Variants in SLF1 observed in about 807,000 individuals in gnomAD.
SLF1 encodes SMC5/6 complex localization factor 1, also known as SMC5-SMC6 complex localization factor protein 1.
In SLF1, 105 loss-of-function variants were observed where a neutral mutation model predicts 123.0. The ratio of observed to expected loss-of-function variants is 0.85; its 90% CI spans 0.73 to 1.00. The LOEUF (loss-of-function observed/expected upper bound fraction) is 1.00. Among genes scored for constraint, SLF1 ranks in the 50% least tolerant of loss-of-function variants. SLF1 has a pLI of 0.00. For synonymous variants in SLF1, 434 were observed against 406.6 expected (o/e 1.07, Z -0.81); for missense variants, 1,239 against 1,223.0 (o/e 1.01, Z -0.20).
chr5:94,696,374 A>G lies in SLF1; in HGVS notation c.*1062A>G, dbSNP rs1404703185. On this transcript the variant is annotated 3_prime_UTR_variant, in exon 21 of 21. Transcript: ENST00000265140. ...ATATTTTAACAAGATACAAATGCTCAGTATCATATTACTGGGTTTGTAATC... is the reference window on the plus strand; with the variant it reads ...ATATTTTAACAAGATACAAATGCTCGGTATCATATTACTGGGTTTGTAATC... The G allele has an allele frequency of 1.3e-5, 2 of 151,834 alleles. No homozygotes were observed. The highest frequency in any genetic ancestry group is 2.9e-5 in the Non-Finnish European group (2 of 67,848). 9.4% of individuals were successfully genotyped at this position (151,834 alleles called of 1,614,324 possible). A position where few individuals can be genotyped will look rare whatever the true frequency, so the allele number is the denominator to read the frequency against.
intron 4 of SLF1, 72 bp from the exon 5 acceptor site, chr5:94,643,201 A>T: frequency 8.2e-7 from 1 of 1,224,396 alleles, no homozygotes; most frequent in Non-Finnish European, 1.1e-6. Flanking sequence ...CTAAGAAATA[A>T]TTAATTTAGA....
chr5:94,628,555 AT>A (rs1744854500), intron 1 of SLF1, among the ~76,000 whole-genome samples: 1 of 152,260 alleles, frequency 6.6e-6, no homozygotes, highest in African/African-American at 2.4e-5. Context: ...CAAGTAATGT[AT>A]TAATCCAGAC....
At chr5:94,620,273 A>G (rs1791627711) in intron 1 of SLF1, 1 of 152,238 alleles carries the variant, frequency 6.6e-6, no homozygotes, top group African/African-American at 2.4e-5. Flanking sequence ...AGTACTGCAA[A>G]TAAACCCCTA....
intron 8 of SLF1, 149 bp downstream of exon 8, chr5:94,653,570 T>C (rs952300403): frequency 6.0e-6 from 4 of 662,056 alleles, no homozygotes; most frequent in Non-Finnish European, 4.7e-6. Flanking sequence ...TTAACTTTGG[T>C]TCACAGTAAA....
chr5:94,634,141 A>G (rs1408694657), intron 4 of SLF1, among the ~76,000 whole-genome samples: 1 of 152,244 alleles, frequency 6.6e-6, no homozygotes, highest in African/African-American at 2.4e-5. Flanking sequence ...ACTGTAATTC[A>G]GATTAGTCAT....
chr5:94,696,363 T>C lies in SLF1; in HGVS notation c.*1051T>C, dbSNP rs529284570. The C allele has an allele frequency of 9.9e-5, 15 of 151,776 alleles. No individual in the cohort carries two copies. Among genetic ancestry groups the C allele is most frequent in the African/African-American group, 3.6e-4 (15 of 41,354 alleles). The allele number at this position is 151,776 out of a possible 1,614,324, so 9.4% of individuals were successfully genotyped here. ...TTTGGAAATAGATATTTTAACAAGATACAAATGCTCAGTATCATATTACTG... is the reference window on the plus strand; with the variant it reads ...TTTGGAAATAGATATTTTAACAAGACACAAATGCTCAGTATCATATTACTG... On this transcript the variant is annotated 3_prime_UTR_variant, in exon 21 of 21. Transcript: ENST00000265140.
At chr5:94,671,404 G>A (rs932054376) in intron 14 of SLF1, among the ~76,000 whole-genome samples, 13 of 151,032 alleles carry the variant, frequency 8.6e-5, no homozygotes, top group African/African-American at 3.1e-4. Flanking sequence ...TACCTCTTTT[G>A]ATGTTGAGTT....
intron 11 of SLF1, 99 bp downstream of exon 11, chr5:94,664,007 T>G: frequency 1.6e-6 from 2 of 1,246,392 alleles, no homozygotes; most frequent in Non-Finnish European, 2.1e-6. Flanking sequence ...TTTTCCCTGT[T>G]CAGTGTTTTT....
intron 4 of SLF1, among the ~76,000 whole-genome samples, chr5:94,639,700 TATA>T (rs1246092227): frequency 6.6e-6 from 1 of 152,238 alleles, no homozygotes; most frequent in Non-Finnish European, 1.5e-5. Flanking sequence ...TAAATTTTGT[TATA>T]AGAAAATCAT....
intron 5 of SLF1, among the ~76,000 whole-genome samples, chr5:94,645,614 A>G (rs1746939039): frequency 6.6e-6 from 1 of 152,246 alleles, no homozygotes. Context: ...AACATATACC[A>G]TGCATTATCT....
intron 9 of SLF1, among the ~76,000 whole-genome samples, chr5:94,656,607 T>C (rs1267992136): frequency 4.6e-5 from 7 of 151,944 alleles, no homozygotes. Context: ...AGCAATAAAG[T>C]CTTTTGGTCC....
At chr5:94,632,632 C>T (rs780747462) in intron 4 of SLF1, among the ~76,000 whole-genome samples, 1 of 152,018 alleles carries the variant, frequency 6.6e-6, no homozygotes, top group Non-Finnish European at 1.5e-5. Context: ...AACTTTTTAT[C>T]TGCATCTTTT....
intron 5 of SLF1, among the ~76,000 whole-genome samples, chr5:94,647,938 A>C (rs150906088): frequency 1.6e-3 from 238 of 152,352 alleles, no homozygotes; most frequent in African/African-American, 5.4e-3. Flanking sequence ...AAATGGACAC[A>C]TAAGTAAATA....
intron 1 of SLF1, among the ~76,000 whole-genome samples, chr5:94,619,028 C>A (rs1349659213): frequency 6.6e-6 from 1 of 152,146 alleles, no homozygotes; most frequent in Non-Finnish European, 1.5e-5. Context: ...CGGGGACTGC[C>A]ACCGAGCGCC....
intron 8 of SLF1, 85 bp from the exon 9 acceptor site, chr5:94,654,545 C>T (rs985494972): frequency 1.5e-5 from 16 of 1,077,390 alleles, no homozygotes; most frequent in Non-Finnish European, 1.9e-5. Flanking sequence ...GAATGTGTTC[C>T]TCTTATATTG....
intron 12 of SLF1, among the ~76,000 whole-genome samples, chr5:94,668,775 C>T (rs2152489338): frequency 6.6e-6 from 1 of 152,302 alleles, no homozygotes; most frequent in Non-Finnish European, 1.5e-5. Flanking sequence ...CCACCATGCT[C>T]AGCCATAGTT....
intron 4 of SLF1, among the ~76,000 whole-genome samples, chr5:94,634,526 AC>A (rs1745541032): frequency 2.0e-5 from 3 of 152,172 alleles, no homozygotes; most frequent in Non-Finnish European, 4.4e-5. Flanking sequence ...TCTAAAGTCT[AC>A]ATATTATTCT....
intron 1 of SLF1, among the ~76,000 whole-genome samples, chr5:94,620,872 T>C (rs1791724750): frequency 6.6e-6 from 1 of 152,208 alleles, no homozygotes; most frequent in Admixed American, 6.5e-5. Flanking sequence ...CTTTGAAATT[T>C]AAAATACACT....
chr5:94,632,721 GAC>G (rs1333282266), intron 4 of SLF1, among the ~76,000 whole-genome samples: 4 of 151,898 alleles, frequency 2.6e-5, no homozygotes, highest in African/African-American at 9.7e-5. Flanking sequence ...TTTATTTTGA[GAC>G]AGAGTCTCGG....
Sources: gnomAD v4.1 joint callset for allele counts (sites outside exome capture counted in the v4.1 genomes callset) on GRCh38, gnomAD v4.1.1 for gene constraint, MANE v1.5 for transcripts, NCBI Gene and HGNC (gene_info 2026-07-23, HGNC 2026-07-21) for gene names.